The following THRB variants were observed in gnomAD, a reference collection of about 807,000 sequenced individuals.
THRB encodes the protein thyroid hormone receptor beta.
In THRB, 12 loss-of-function variants were observed where a neutral mutation model predicts 47.8. The ratio of observed to expected loss-of-function variants is 0.25; its 90% confidence interval spans 0.16 to 0.41. The LOEUF (loss-of-function observed/expected upper bound fraction) is 0.41. Ranked by LOEUF, THRB falls within the 10% of genes least tolerant of loss-of-function variation. The pLI, the probability that THRB is intolerant of heterozygous loss-of-function variation, is 1.00. For missense variants in THRB, 348 were observed against 589.2 expected, an observed-to-expected ratio of 0.59 and a Z score of 4.24; for synonymous variants, 218 against 212.2, an observed-to-expected ratio of 1.03 and a Z score of -0.24.
At chr3:24,418,630 G>T (rs912557166) in intron 1 of THRB, among the ~76,000 whole-genome samples, 4 of 151,880 alleles carry the variant, frequency 2.6e-5, no homozygotes, top group Non-Finnish European at 5.9e-5. Flanking sequence ...TTGTGAAAAT[G>T]CAGATTCCTA....
intron 3 of THRB, among the ~76,000 whole-genome samples, chr3:24,254,670 C>T (rs2051060937): frequency 6.6e-6 from 1 of 151,966 alleles, no homozygotes. Flanking sequence ...GGTTTTTCCT[C>T]TTCTTCTTCT....
chr3:24,180,378 G>A (rs1446478430), intron 5 of THRB, among the ~76,000 whole-genome samples: 2 of 152,192 alleles, frequency 1.3e-5, no homozygotes, highest in Non-Finnish European at 2.9e-5. Flanking sequence ...CAAATGCCAA[G>A]TGTCTTTATC....
intron 1 of THRB, among the ~76,000 whole-genome samples, chr3:24,351,917 G>A (rs1277757064): frequency 4.6e-5 from 7 of 152,124 alleles, no homozygotes; most frequent in Non-Finnish European, 7.4e-5. Context: ...TTGCATTTCC[G>A]ACAGATGGGA....
Position 24,143,578 on chromosome 3 carries a change from G to A in THRB, c.661C>T (p.Leu221Phe). ...TGGGCTTCGGTGACAGTTTTGATGA[G>A]CTCCCATTCCTCGTCTGTGGGCTCT... Reference protein sequence around the residue: ...KPEPTDEEWELIKTVTEAHVA... With the variant: ...KPEPTDEEWEFIKTVTEAHVA... The change falls in exon 8 of 11, where the codon CTC becomes TTC. Residue 221 changes from leucine to phenylalanine, a missense_variant. Physicochemically the swap from Leu to Phe is conservative, Grantham distance 22 (BLOSUM62 0). Transcript: ENST00000646209. 6.2e-7 allele frequency: 1 copy of A among 1,614,204 alleles called. No individual in the cohort carries two copies.
intron 3 of THRB, among the ~76,000 whole-genome samples, chr3:24,237,209 C>T (rs1304719881): frequency 6.6e-6 from 1 of 152,182 alleles, no homozygotes; most frequent in Non-Finnish European, 1.5e-5. Context: ...AATTTCTCCA[C>T]TGGGTATGGC....
intron 3 of THRB, among the ~76,000 whole-genome samples, chr3:24,292,799 GTTTGGAC>G (rs1443548612): frequency 4.6e-5 from 7 of 152,208 alleles, no homozygotes; most frequent in Non-Finnish European, 1.0e-4. Flanking sequence ...TTAGCTGCAT[GTTTGGAC>G]CAGATCCCTC....
chr3:24,348,029 T>C (rs185533348), intron 1 of THRB, among the ~76,000 whole-genome samples: 131 of 152,260 alleles, frequency 8.6e-4, no homozygotes, highest in East Asian at 5.2e-3. Flanking sequence ...ATAAGGGTAT[T>C]ATAAGAAAAG....
At chr3:24,238,042 CTG>C (rs2049047279) in intron 3 of THRB, 1 of 152,090 alleles carries the variant, frequency 6.6e-6, no homozygotes, top group Admixed American at 6.6e-5. Context: ...TTCCTTATGG[CTG>C]TCTTTCTCTA....
chr3:24,341,219 A>T (rs1309840412), intron 1 of THRB, among the ~76,000 whole-genome samples: 2 of 99,178 alleles, frequency 2.0e-5, no homozygotes, highest in African/African-American at 4.5e-5. Flanking sequence ...AAAACAATTA[A>T]CATGAGATTA....
intron 1 of THRB, among the ~76,000 whole-genome samples, chr3:24,408,367 C>T (rs1482997663): frequency 6.6e-6 from 1 of 151,878 alleles, no homozygotes; most frequent in Non-Finnish European, 1.5e-5. Context: ...TGTCATTTGG[C>T]TTCTCTTCCT....
chr3:24,210,039 G>C (rs2045858866), intron 4 of THRB, among the ~76,000 whole-genome samples: 1 of 152,188 alleles, frequency 6.6e-6, no homozygotes, highest in Admixed American at 6.5e-5. Flanking sequence ...ATGTCAAAAT[G>C]CTCTCCAACC....
intron 1 of THRB, among the ~76,000 whole-genome samples, chr3:24,447,838 C>T (rs990028142): frequency 1.3e-5 from 2 of 151,728 alleles, no homozygotes; most frequent in African/African-American, 4.8e-5. Flanking sequence ...TAGTGATCAC[C>T]CAAATGGTAT....
chr3:24,326,781 T>TTTTTTTTTTTTTTTTG (rs2061624678), intron 2 of THRB, among the ~76,000 whole-genome samples: 2 of 143,646 alleles, frequency 1.4e-5, no homozygotes, highest in African/African-American at 5.3e-5. Context: ...TTTTTTTTTT[T>TTTTTTTTTTTTTTTTG]TGAGATGGAG....
intron 2 of THRB, among the ~76,000 whole-genome samples, chr3:24,306,503 A>T (rs1211947669): frequency 6.6e-6 from 1 of 152,258 alleles, no homozygotes; most frequent in African/African-American, 2.4e-5. Context: ...GGGAAAAATT[A>T]TCCCAAAGAA....
rs1288820234 is a variant in THRB at position 24,120,361 on chromosome 3, A to G, written c.*2523T>C. The G allele has an allele frequency of 1.3e-5, 2 of 152,208 alleles. No individual in the cohort carries two copies. Among genetic ancestry groups the G allele is most frequent in the Non-Finnish European group, 2.9e-5 (2 of 68,038 alleles). The allele number at this position is 152,208 out of a possible 1,614,324, so 9.4% of individuals were successfully genotyped here. On this transcript the variant is annotated 3_prime_UTR_variant, in exon 11 of 11. Coordinates refer to ENST00000646209, the MANE Select transcript of THRB (RefSeq NM_001354712.2). ...CGTTCCTTTACTTGCGGCTGGCTGG[A>G]TGGCTGTTTATATGCCATACTATTT...
intron 1 of THRB, among the ~76,000 whole-genome samples, chr3:24,451,469 T>G (rs1684121419): frequency 6.6e-6 from 1 of 152,122 alleles, no homozygotes; most frequent in Admixed American, 6.5e-5. Flanking sequence ...ATTCCTGACC[T>G]CGTGATCCAC....
intron 2 of THRB, among the ~76,000 whole-genome samples, chr3:24,310,578 C>T (rs1208040694): frequency 6.6e-6 from 1 of 152,134 alleles, no homozygotes; most frequent in Admixed American, 6.6e-5. Context: ...ATAGAATTTG[C>T]AGTTCTAACA....
chr3:24,183,662 G>A (rs113816522), intron 5 of THRB, among the ~76,000 whole-genome samples: 13 of 149,208 alleles, frequency 8.7e-5, no homozygotes, highest in Non-Finnish European at 1.3e-4. Flanking sequence ...TGTGAGCGAC[G>A]GCGCCTGGCC....
At chr3:24,220,232 T>C (rs1019563786) in intron 4 of THRB, among the ~76,000 whole-genome samples, 1 of 152,190 alleles carries the variant, frequency 6.6e-6, no homozygotes, top group African/African-American at 2.4e-5. Context: ...GGCTCATGCC[T>C]GTAATCCCAG....
Sources: gnomAD v4.1 joint callset for allele counts (sites outside exome capture counted in the v4.1 genomes callset) on GRCh38, gnomAD v4.1.1 for gene constraint, MANE v1.5 for transcripts, NCBI Gene and HGNC (gene_info 2026-07-23, HGNC 2026-07-21) for gene names.